The following SLIT2 variants were observed in gnomAD, a reference collection of about 807,000 sequenced individuals.
SLIT2 encodes the protein slit guidance ligand 2, also known as slit homolog 2 protein.
SLIT2 carries 41 observed loss-of-function variants against 185.7 expected under a neutral mutation model. That is an observed-to-expected ratio of 0.22 (90% CI 0.17 to 0.29). SLIT2 has a LOEUF of 0.29. Ranked by LOEUF, SLIT2 falls within the 10% of genes least tolerant of loss-of-function variation. SLIT2 has a pLI of 1.00. For missense variants in SLIT2, 1,571 were observed against 1,909.0 expected (o/e 0.82, Z 3.30); for synonymous variants, 693 against 680.2 (o/e 1.02, Z -0.29).
rs1476674120 is a variant in SLIT2, at chr4:20,491,875, A to G, written c.890A>G (p.Asn297Ser). The stretch of plus-strand genomic sequence containing the variant: ...AAAGGTCTCACTGAGATCCCCACAA[A>G]TCTTCCAGAGACCATCACAGAAATG... ...RGKGLTEIPT[N>S]LPETITEIRL... The change falls in exon 9 of 37, where the codon AAT becomes AGT. Residue 297 changes from asparagine (N) to serine (S), a missense_variant. Coordinates refer to ENST00000504154, the MANE Select transcript of SLIT2 (RefSeq NM_004787.4). The G allele has an allele frequency of 8.1e-6, 13 of 1,613,684 alleles. No individual in the cohort carries two copies. The highest frequency in any genetic ancestry group is 2.7e-5 in the African/African-American group (2 of 74,886).
intron 4 of SLIT2, among the ~76,000 whole-genome samples, chr4:20,353,205 G>C (rs1473932162): frequency 6.6e-6 from 1 of 152,104 alleles, no homozygotes; most frequent in African/African-American, 2.4e-5. Flanking sequence ...ATTTCTGCCA[G>C]ATAATTATCA....
chr4:20,579,384 A>G (rs1308794601), intron 29 of SLIT2, among the ~76,000 whole-genome samples: 2 of 152,090 alleles, frequency 1.3e-5, no homozygotes, highest in East Asian at 3.8e-4. Flanking sequence ...CAAAGAGAAC[A>G]AATCTCTTTG....
intron 4 of SLIT2, among the ~76,000 whole-genome samples, chr4:20,279,217 G>A (rs975775894): frequency 1.3e-5 from 2 of 152,074 alleles, no homozygotes; most frequent in Non-Finnish European, 2.9e-5. Context: ...TATTGTACTT[G>A]GCAGTGATTA....
At chr4:20,459,796 C>G (rs982983275) in intron 4 of SLIT2, among the ~76,000 whole-genome samples, 13 of 151,928 alleles carry the variant, frequency 8.6e-5, no homozygotes, top group African/African-American at 2.7e-4. Context: ...TATCAGGCCT[C>G]AAACCACAGA....
intron 4 of SLIT2, among the ~76,000 whole-genome samples, chr4:20,452,538 C>A (rs1712584390): frequency 1.3e-5 from 2 of 152,144 alleles, no homozygotes; most frequent in African/African-American, 4.8e-5. Flanking sequence ...GTATGTTCTG[C>A]ATCTGCTATC....
intron 17 of SLIT2, among the ~76,000 whole-genome samples, chr4:20,532,949 C>T (rs1356515492): frequency 1.3e-5 from 2 of 152,182 alleles, no homozygotes; most frequent in Non-Finnish European, 2.9e-5. Context: ...TTGGGAGACA[C>T]TCCTGGTCTT....
rs144907035 is a variant in SLIT2, at chr4:20,347,250, G to A, written c.395+78369G>A. Reference sequence around the variant, plus strand: ...ATGGATGCTTCTCTGTTAGGTAAAGGAGGCAGGGCTCAAGCCCACATCTAT... The same window carrying A: ...ATGGATGCTTCTCTGTTAGGTAAAGAAGGCAGGGCTCAAGCCCACATCTAT... On this transcript the variant is annotated intron_variant, in intron 4 of 36. Transcript: ENST00000504154. 5.8e-3 allele frequency among the ~76,000 whole-genome samples: 889 copies of A among 152,330 alleles called. 11 individuals carry two copies. Among genetic ancestry groups the A allele is most frequent in the African/African-American group, 0.02 (835 of 41,562 alleles).
At chr4:20,569,579 A>G (rs1266991942) in intron 29 of SLIT2, among the ~76,000 whole-genome samples, 1 of 152,006 alleles carries the variant, frequency 6.6e-6, no homozygotes, top group African/African-American at 2.4e-5. Context: ...CTTCCTCCCT[A>G]TTCAAACCAA....
intron 33 of SLIT2, among the ~76,000 whole-genome samples, chr4:20,609,679 C>G (rs538578900): frequency 6.6e-6 from 1 of 152,186 alleles, no homozygotes; most frequent in East Asian, 1.9e-4. Flanking sequence ...GTAAATGGAC[C>G]TTTTATGGAA....
At chr4:20,447,229 T>C (rs1290763692) in intron 4 of SLIT2, among the ~76,000 whole-genome samples, 1 of 152,200 alleles carries the variant, frequency 6.6e-6, no homozygotes, top group Non-Finnish European at 1.5e-5. Context: ...TGGCAACAAC[T>C]TTCAAGCCTA....
intron 4 of SLIT2, among the ~76,000 whole-genome samples, chr4:20,291,752 C>A (rs1321625100): frequency 2.6e-5 from 4 of 151,668 alleles, no homozygotes; most frequent in African/African-American, 4.8e-5. Flanking sequence ...GTAATCAAAA[C>A]AATTATAGAG....
At position 20,541,070 on chromosome 4, in the gene SLIT2, A is replaced by G. The variant is rs1367411985; in HGVS notation, c.1977-383A>G. ...TAAGGTAATCAGCCTTCATCTTTAT[A>G]TTAAATTACTGCATTATCAGTGCGA... On this transcript the variant is annotated intron_variant, in intron 19 of 36. Transcript: ENST00000504154. 2.6e-5 allele frequency among the ~76,000 whole-genome samples: 4 copies of G among 152,206 alleles called. No individual in the cohort carries two copies. In the East Asian group the frequency reaches 5.8e-4, roughly 22 times the overall value.
In SLIT2 at chr4:20,253,779, C is replaced by A. The variant is rs375946547; in HGVS notation, c.-37C>A. 1 of 1,590,646 alleles carries A rather than the reference C, an allele frequency of 6.3e-7. No individual in the cohort carries two copies. The highest frequency in any genetic ancestry group is 8.5e-7 in the Non-Finnish European group (1 of 1,175,168). ...CCTCGGAGCAGCAAGCTAAAGAAAG[C>A]CCCCAGTGCCGGCGAGGAAGGAGGC... On this transcript the variant is annotated 5_prime_UTR_variant, in exon 1 of 37. Transcript: ENST00000504154.
intron 28 of SLIT2, 71 bp from the exon 29 acceptor site, chr4:20,568,794 C>T: frequency 7.1e-7 from 1 of 1,400,136 alleles, no homozygotes; most frequent in Admixed American, 2.0e-5. Context: ...ATGCTTTTTT[C>T]AATATTTAGA....
chr4:20,512,796 G>A (rs1719873801), intron 11 of SLIT2, among the ~76,000 whole-genome samples: 1 of 152,176 alleles, frequency 6.6e-6, no homozygotes, highest in Admixed American at 6.5e-5. Flanking sequence ...AGAGAAATCA[G>A]TGGGAAATTC....
chr4:20,573,039 G>A (rs1390028107), intron 29 of SLIT2, among the ~76,000 whole-genome samples: 4 of 152,144 alleles, frequency 2.6e-5, no homozygotes, highest in African/African-American at 9.7e-5. Context: ...TCCCTGTGAT[G>A]GCATTTACCT....
At chr4:20,345,666 G>T (rs552801561) in intron 4 of SLIT2, among the ~76,000 whole-genome samples, 100 of 147,172 alleles carry the variant, frequency 6.8e-4, no homozygotes, top group African/African-American at 2.4e-3. Context: ...TTCCTGAGTA[G>T]CTGGGACTAC....
At chr4:20,538,752 A>G (rs375575131) in intron 18 of SLIT2, among the ~76,000 whole-genome samples, 4 of 150,784 alleles carry the variant, frequency 2.7e-5, no homozygotes, top group African/African-American at 7.3e-5. Context: ...GGAAATGACA[A>G]TAGTGTTAAT....
chr4:20,287,552 CT>C (rs879387840), intron 4 of SLIT2, among the ~76,000 whole-genome samples: 3 of 152,106 alleles, frequency 2.0e-5, no homozygotes, highest in Non-Finnish European at 2.9e-5. Context: ...TTAGTTGGAA[CT>C]TTTTTGTTGA....
Sources: allele counts gnomAD v4.1 joint callset (sites outside exome capture counted in the v4.1 genomes callset), GRCh38; gene constraint gnomAD v4.1.1; transcripts MANE v1.5; gene names NCBI Gene and HGNC (gene_info 2026-07-23, HGNC 2026-07-21).